The following MELK variants were observed in gnomAD, a reference collection of about 807,000 sequenced individuals.
MELK encodes pEg3 kinase.
Under a neutral mutation model 85.0 loss-of-function variants are expected in MELK, and 81 were observed. The observed-to-expected ratio is 0.95, with a 90% CI of 0.80 to 1.15. The LOEUF is 1.15. MELK is among the 50% of genes most tolerant of loss of function. The pLI, the probability that MELK is intolerant of heterozygous loss-of-function variation, is 0.00. For synonymous variants in MELK, 252 were observed against 265.0 expected (o/e 0.95, Z 0.48); for missense variants, 754 against 777.5 (o/e 0.97, Z 0.36).
intron 10 of MELK, among the ~76,000 whole-genome samples, chr9:36,639,641 A>G (rs1829560635): frequency 6.6e-6 from 1 of 152,206 alleles, no homozygotes. Context: ...CGCTTTAAGT[A>G]TTGATCCTCT....
rs142682354 is a variant in MELK, at chr9:36,588,316, C to T, written c.145-1220C>T. The stretch of plus-strand genomic sequence containing the variant: ...AACTCCTGACCTCAGTTGATCTGCC[C>T]ACCTTGGCCTCCCAAAGTGCTGGGA... On this transcript the variant is annotated intron_variant, in intron 3 of 17. Transcript: ENST00000298048. Among the ~76,000 whole-genome samples, 1,393 of 150,020 alleles carry T rather than the reference C, an allele frequency of 9.3e-3. 140 individuals carry two copies. Among genetic ancestry groups the T allele is most frequent in the African/African-American group, 0.033 (1,299 of 39,654 alleles).
At chr9:36,656,386 A>C (rs147932086) in intron 12 of MELK, among the ~76,000 whole-genome samples, 1 of 152,250 alleles carries the variant, frequency 6.6e-6, no homozygotes, top group Non-Finnish European at 1.5e-5. Context: ...GTTGCAAGAC[A>C]TATTATTTGA....
chr9:36,666,507 C>A (rs547540083), intron 14 of MELK, among the ~76,000 whole-genome samples: 3 of 152,310 alleles, frequency 2.0e-5, no homozygotes, highest in African/African-American at 7.2e-5. Context: ...TACAGTGATC[C>A]TGTTTATGTC....
At chr9:36,614,428 T>TTTTG (rs1554722242) in intron 8 of MELK, among the ~76,000 whole-genome samples, 1 of 136,316 alleles carries the variant, frequency 7.3e-6, no homozygotes, top group African/African-American at 3.1e-5. Flanking sequence ...TTTTTGGGTT[T>TTTTG]TTTTTTTTTT....
intron 4 of MELK, among the ~76,000 whole-genome samples, chr9:36,594,230 A>G (rs1483720422): frequency 6.6e-6 from 1 of 152,176 alleles, no homozygotes; most frequent in Non-Finnish European, 1.5e-5. Flanking sequence ...ATTGAAAACC[A>G]CTGGTCTTTG....
intron 8 of MELK, among the ~76,000 whole-genome samples, chr9:36,620,916 C>CATTG (rs1201631097): frequency 6.6e-6 from 1 of 152,022 alleles, no homozygotes; most frequent in Non-Finnish European, 1.5e-5. Flanking sequence ...TCCCTGCCAG[C>CATTG]ATTGCACCTG....
intron 9 of MELK, among the ~76,000 whole-genome samples, chr9:36,631,517 T>C (rs965312014): frequency 1.3e-5 from 2 of 152,074 alleles, no homozygotes; most frequent in African/African-American, 2.4e-5. Context: ...CCACCCGCCT[T>C]GGCCTCCCAA....
intron 17 of MELK, among the ~76,000 whole-genome samples, chr9:36,676,022 T>G (rs1480795706): frequency 6.6e-6 from 1 of 152,176 alleles, no homozygotes; most frequent in Non-Finnish European, 1.5e-5. Flanking sequence ...TCTTCATGCT[T>G]GGGGCTATGA....
chr9:36,575,302 A>C (rs7866571), intron 1 of MELK, among the ~76,000 whole-genome samples: 5,429 of 152,298 alleles, frequency 0.036, 313 homozygotes, highest in African/African-American at 0.12. Context: ...CTCCTTCAGC[A>C]GCTACAAAGT....
chr9:36,624,446 C>T (rs533183719), intron 8 of MELK, among the ~76,000 whole-genome samples: 5 of 152,216 alleles, frequency 3.3e-5, no homozygotes, highest in Admixed American at 2.0e-4. Context: ...CAGTAAGAGG[C>T]GGAACTGGGA....
chr9:36,602,802 G>A (rs776687252), intron 7 of MELK, among the ~76,000 whole-genome samples: 6 of 152,140 alleles, frequency 3.9e-5, no homozygotes, highest in East Asian at 1.9e-4. Context: ...CAGGTGATCC[G>A]TCTGCCTTGG....
chr9:36,617,569 C>T (rs1826965503), intron 8 of MELK, among the ~76,000 whole-genome samples: 1 of 152,128 alleles, frequency 6.6e-6, no homozygotes, highest in Non-Finnish European at 1.5e-5. Flanking sequence ...ATCCTCCCAC[C>T]TTGGCCTCTC....
At chr9:36,630,199 A>G (rs1444119448) in intron 8 of MELK, 100 bp from the exon 9 acceptor site, 1 of 858,066 alleles carries the variant, frequency 1.2e-6, no homozygotes, top group African/African-American at 1.7e-5. Context: ...AGTTGGGTGA[A>G]GTCTTCAAGC....
intron 10 of MELK, among the ~76,000 whole-genome samples, chr9:36,636,744 C>CTT (rs1363681220): frequency 5.9e-5 from 5 of 85,226 alleles, no homozygotes; most frequent in East Asian, 2.8e-4. Context: ...TTCTTTCTTT[C>CTT]TTTCTTTCTT....
intron 8 of MELK, among the ~76,000 whole-genome samples, chr9:36,618,933 G>GA (rs1266314315): frequency 6.6e-6 from 1 of 151,432 alleles, no homozygotes; most frequent in East Asian, 1.9e-4. Context: ...CGCCAGTCAA[G>GA]AATGAGTGAA....
intron 7 of MELK, among the ~76,000 whole-genome samples, chr9:36,604,367 C>T (rs952161943): frequency 3.3e-5 from 5 of 150,182 alleles, no homozygotes; most frequent in Admixed American, 6.8e-5. Context: ...CAACCTCTGC[C>T]TCCCGGGTTC....
intron 13 of MELK, among the ~76,000 whole-genome samples, chr9:36,662,369 A>G (rs1174306500): frequency 6.6e-6 from 1 of 151,370 alleles, no homozygotes; most frequent in African/African-American, 2.4e-5. Context: ...TCAGCCTCCC[A>G]AGTAGCCGGG....
At chr9:36,648,433 A>C (rs1270593290) in intron 11 of MELK, among the ~76,000 whole-genome samples, 1 of 152,120 alleles carries the variant, frequency 6.6e-6, no homozygotes, top group Non-Finnish European at 1.5e-5. Context: ...ATGGGTTAGA[A>C]CCCTAGATTC....
intron 8 of MELK, among the ~76,000 whole-genome samples, chr9:36,627,751 T>G (rs1828083534): frequency 6.6e-6 from 1 of 151,954 alleles, no homozygotes; most frequent in Non-Finnish European, 1.5e-5. Context: ...GGTCTCAAAC[T>G]TCCGACCTCA....
Sources: gnomAD v4.1 joint callset for allele counts (sites outside exome capture counted in the v4.1 genomes callset) on GRCh38, gnomAD v4.1.1 for gene constraint, MANE v1.5 for transcripts, NCBI Gene and HGNC (gene_info 2026-07-23, HGNC 2026-07-21) for gene names.